ZBTB7C: variants seen among roughly 807,000 people sequenced by gnomAD.
ZBTB7C encodes the protein zinc finger and BTB domain containing 7C.
ZBTB7C carries 8 observed loss-of-function variants against 25.7 expected under a neutral mutation model. That is an observed-to-expected ratio of 0.31 (90% CI 0.18 to 0.56). The LOEUF is 0.56. ZBTB7C is among the 20% of genes least tolerant of loss of function. ZBTB7C has a pLI of 0.91. For synonymous variants in ZBTB7C, 394 were observed against 369.0 expected, an observed-to-expected ratio of 1.07 and a Z score of -0.78; for missense variants, 824 against 855.2, an observed-to-expected ratio of 0.96 and a Z score of 0.46.
intron 1 of ZBTB7C, among the ~76,000 whole-genome samples, chr18:48,379,905 G>T (rs1328873390): frequency 1.3e-5 from 2 of 152,110 alleles, no homozygotes; most frequent in African/African-American, 4.8e-5. Flanking sequence ...AGGAAATTGT[G>T]CATTTAAACA....
chr18:48,357,185 T>G (rs1056712472), intron 1 of ZBTB7C, among the ~76,000 whole-genome samples: 2 of 152,156 alleles, frequency 1.3e-5, no homozygotes, highest in Non-Finnish European at 2.9e-5. Context: ...TGAGAGAACA[T>G]ATAGATTCTG....
At chr18:48,037,680 C>T (rs1361243263) in intron 4 of ZBTB7C, among the ~76,000 whole-genome samples, 1 of 152,178 alleles carries the variant, frequency 6.6e-6, no homozygotes, top group Non-Finnish European at 1.5e-5. Context: ...TATCCTGAGA[C>T]ACAGATAGAT....
chr18:48,056,316 TA>T (rs1332923037), intron 3 of ZBTB7C, among the ~76,000 whole-genome samples: 1 of 152,234 alleles, frequency 6.6e-6, no homozygotes, highest in Non-Finnish European at 1.5e-5. Flanking sequence ...AATAATTTAA[TA>T]AGTGCAATAC....
At chr18:48,354,462 G>A (rs998633772) in intron 1 of ZBTB7C, among the ~76,000 whole-genome samples, 6 of 152,172 alleles carry the variant, frequency 3.9e-5, no homozygotes, top group African/African-American at 1.2e-4. Flanking sequence ...GGACAAACTT[G>A]ACTTGGAAAC....
chr18:48,361,174 C>T (rs1028434033), intron 1 of ZBTB7C, among the ~76,000 whole-genome samples: 1 of 152,154 alleles, frequency 6.6e-6, no homozygotes, highest in Non-Finnish European at 1.5e-5. Flanking sequence ...ATTCACAAGG[C>T]TTGGTGTCCA....
chr18:48,122,819 A>G (rs1405038041), intron 3 of ZBTB7C, among the ~76,000 whole-genome samples: 1 of 152,188 alleles, frequency 6.6e-6, no homozygotes, highest in African/African-American at 2.4e-5. Flanking sequence ...TATTAGCACC[A>G]TTGTAGCTGC....
chr18:48,298,279 CAAAAAAAA>C, intron 2 of ZBTB7C, among the ~76,000 whole-genome samples: 1 of 121,056 alleles, frequency 8.3e-6, no homozygotes, highest in South Asian at 2.9e-4. Flanking sequence ...GACTCTGTCT[CAAAAAAAA>C]AAAAAAAAAA....
intron 2 of ZBTB7C, among the ~76,000 whole-genome samples, chr18:48,207,761 T>C (rs1471210885): frequency 1.3e-5 from 2 of 152,166 alleles, no homozygotes; most frequent in African/African-American, 2.4e-5. Context: ...GCCACAGATA[T>C]ATTGTTAAGT....
At chr18:48,399,115 A>AT (rs1323202586) in intron 1 of ZBTB7C, among the ~76,000 whole-genome samples, 9 of 152,238 alleles carry the variant, frequency 5.9e-5, no homozygotes, top group African/African-American at 2.2e-4. Context: ...GCAAAGTGAG[A>AT]TTCAATGCGT....
chr18:48,334,916 G>C (rs2046425627), intron 2 of ZBTB7C, among the ~76,000 whole-genome samples: 1 of 152,162 alleles, frequency 6.6e-6, no homozygotes, highest in African/African-American at 2.4e-5. Flanking sequence ...GGAGTGGCTG[G>C]CAACCCTCAC....
intron 2 of ZBTB7C, among the ~76,000 whole-genome samples, chr18:48,192,216 C>A (rs2042214294): frequency 6.6e-6 from 1 of 152,156 alleles, no homozygotes; most frequent in South Asian, 2.1e-4. Flanking sequence ...CTGGAAAAGG[C>A]TACATACTGT....
chr18:48,403,152 G>A (rs905857280), intron 1 of ZBTB7C, among the ~76,000 whole-genome samples: 4 of 152,214 alleles, frequency 2.6e-5, no homozygotes, highest in Non-Finnish European at 5.9e-5. Flanking sequence ...TCCAAGGATG[G>A]CAGTATGCTT....
At chr18:48,359,483 C>A (rs2047054169) in intron 1 of ZBTB7C, among the ~76,000 whole-genome samples, 1 of 152,072 alleles carries the variant, frequency 6.6e-6, no homozygotes, top group African/African-American at 2.4e-5. Context: ...ATGACAGGTA[C>A]AATGCCACCA....
At chr18:48,410,967 C>T (rs896270288), upstream of ZBTB7C, among the ~76,000 whole-genome samples, 22 of 152,242 alleles carry the variant, frequency 1.4e-4, no homozygotes, top group African/African-American at 5.1e-4. Flanking sequence ...ATGCTGAAGA[C>T]ACTGGATGAC....
intron 2 of ZBTB7C, among the ~76,000 whole-genome samples, chr18:48,250,108 C>T (rs1185545295): frequency 6.6e-6 from 1 of 152,214 alleles, no homozygotes; most frequent in Non-Finnish European, 1.5e-5. Flanking sequence ...AACCCAGGCA[C>T]AAGCCCAAAT....
At chr18:48,037,411 A>G (rs1163238438) in intron 4 of ZBTB7C, among the ~76,000 whole-genome samples, 2 of 152,208 alleles carry the variant, frequency 1.3e-5, no homozygotes. Flanking sequence ...AGGAACCTGG[A>G]ATGTCACCCT....
At chr18:48,126,702 AG>A (rs1315096167) in intron 3 of ZBTB7C, among the ~76,000 whole-genome samples, 1 of 152,118 alleles carries the variant, frequency 6.6e-6, no homozygotes, top group African/African-American at 2.4e-5. Context: ...GCTGGGAGAA[AG>A]GGGGGAGGAC....
At chr18:48,176,239 A>G (rs1373936233) in intron 3 of ZBTB7C, among the ~76,000 whole-genome samples, 1 of 152,242 alleles carries the variant, frequency 6.6e-6, no homozygotes, top group African/African-American at 2.4e-5. Flanking sequence ...TCAAGAGGAA[A>G]CATCAGACAA....
chr18:48,036,749 T>G (rs1423137254), intron 4 of ZBTB7C, among the ~76,000 whole-genome samples: 1 of 152,160 alleles, frequency 6.6e-6, no homozygotes, highest in African/African-American at 2.4e-5. Context: ...CAGCCGTCTC[T>G]GCTCTAAGTG....
Sources: allele counts gnomAD v4.1 joint callset (sites outside exome capture counted in the v4.1 genomes callset), GRCh38; gene constraint gnomAD v4.1.1; transcripts MANE v1.5; gene names NCBI Gene and HGNC (gene_info 2026-07-23, HGNC 2026-07-21).